ZDHHC14: variants seen among roughly 807,000 people sequenced by gnomAD.
The protein encoded by ZDHHC14 is palmitoyltransferase ZDHHC14.
In ZDHHC14, 16 loss-of-function variants were observed where a neutral mutation model predicts 47.7. The observed-to-expected ratio is 0.34, with a 90% CI of 0.23 to 0.51. The LOEUF (loss-of-function observed/expected upper bound fraction) is 0.51. ZDHHC14 is among the 20% of genes least tolerant of loss of function. The pLI is 0.97. For missense variants in ZDHHC14, 515 were observed against 662.5 expected (o/e 0.78, Z 2.44); for synonymous variants, 293 against 278.9 (o/e 1.05, Z -0.50).
intron 1 of ZDHHC14, among the ~76,000 whole-genome samples, chr6:157,500,637 A>T (rs1243306914): frequency 6.6e-6 from 1 of 152,154 alleles, no homozygotes; most frequent in Non-Finnish European, 1.5e-5. Context: ...TCAGGGAAAC[A>T]GCTTTGCTCT....
At chr6:157,429,417 T>C (rs1028734159) in intron 1 of ZDHHC14, among the ~76,000 whole-genome samples, 1 of 152,216 alleles carries the variant, frequency 6.6e-6, no homozygotes, top group African/African-American at 2.4e-5. Flanking sequence ...CCAAAAACTT[T>C]GCACATCACT....
At chr6:157,542,557 C>T in intron 1 of ZDHHC14, 28 bp from the exon 2 acceptor site, 2 of 1,603,230 alleles carry the variant, frequency 1.2e-6, no homozygotes, top group Non-Finnish European at 1.7e-6. Flanking sequence ...TTTTCCCCTT[C>T]TCTCCGGTCT....
chr6:157,643,650 A>AAAATATATATATAT (rs765773743), intron 5 of ZDHHC14, among the ~76,000 whole-genome samples: 1 of 72,522 alleles, frequency 1.4e-5, no homozygotes, highest in Admixed American at 1.8e-4. Flanking sequence ...CTTCATCTCA[A>AAAATATATATATAT]ATATATATAT....
At chr6:157,434,837 C>T (rs988014724) in intron 1 of ZDHHC14, among the ~76,000 whole-genome samples, 15 of 152,120 alleles carry the variant, frequency 9.9e-5, no homozygotes, top group African/African-American at 3.4e-4. Flanking sequence ...CGCTCCATGA[C>T]GGAGAGAATC....
rs188048087 is a variant in ZDHHC14, at chr6:157,437,177, T to A, written c.245+54911T>A. Among the ~76,000 whole-genome samples, 102 of 152,336 alleles carry A rather than the reference T, an allele frequency of 6.7e-4. 1 individual carries two copies. The East Asian group carries it at 0.018, about 27-fold the overall frequency. On this transcript the variant is annotated intron_variant, in intron 1 of 8. Transcript: ENST00000359775. ...GGCTGGAGCATGGGCTCTGCATCCG[T>A]GAGAGCACTGGGGGCCTTTGCTGGG...
chr6:157,485,553 C>A (rs1779757400), intron 1 of ZDHHC14, among the ~76,000 whole-genome samples: 1 of 152,168 alleles, frequency 6.6e-6, no homozygotes, highest in Admixed American at 6.5e-5. Flanking sequence ...CCCTGTCCCA[C>A]TTTTCCCACA....
intron 8 of ZDHHC14, among the ~76,000 whole-genome samples, chr6:157,668,489 GC>G (rs1778648857): frequency 6.8e-6 from 1 of 146,548 alleles, no homozygotes; most frequent in Non-Finnish European, 1.5e-5. Flanking sequence ...TTTGAGACCA[GC>G]CTGGCCAACA....
intron 1 of ZDHHC14, among the ~76,000 whole-genome samples, chr6:157,406,976 G>A (rs1378148127): frequency 3.9e-5 from 6 of 152,288 alleles, no homozygotes; most frequent in African/African-American, 9.6e-5. Flanking sequence ...GACATGCACC[G>A]GCTTTTATTT....
intron 2 of ZDHHC14, among the ~76,000 whole-genome samples, chr6:157,570,842 T>C (rs1382362023): frequency 1.3e-5 from 2 of 151,662 alleles, no homozygotes; most frequent in Admixed American, 6.6e-5. Flanking sequence ...CACACACACA[T>C]ACATCTATAT....
chr6:157,473,872 G>A (rs1779413760), intron 1 of ZDHHC14, among the ~76,000 whole-genome samples: 1 of 151,452 alleles, frequency 6.6e-6, no homozygotes, highest in Admixed American at 6.6e-5. Flanking sequence ...CCATCTCCAA[G>A]ATGCCTCATT....
chr6:157,445,845 T>C (rs1043122142), intron 1 of ZDHHC14, among the ~76,000 whole-genome samples: 2 of 151,938 alleles, frequency 1.3e-5, no homozygotes, highest in African/African-American at 4.8e-5. Context: ...TGCCTAGTGT[T>C]TAGTAGTTAT....
chr6:157,647,559 C>A (rs1777623805), intron 7 of ZDHHC14, among the ~76,000 whole-genome samples, 191 bp downstream of exon 7: 1 of 152,184 alleles, frequency 6.6e-6, no homozygotes, highest in South Asian at 2.1e-4. Context: ...CTTTTTTGAT[C>A]TTCAATTGAA....
chr6:157,582,985 T>A lies in ZDHHC14; in HGVS notation c.407-10003T>A, dbSNP rs1028189625. 2.0e-5 allele frequency among the ~76,000 whole-genome samples: 3 copies of A among 151,806 alleles called. No individual in the cohort carries two copies. The highest frequency in any genetic ancestry group is 6.6e-5 in the Admixed American group (1 of 15,232). On this transcript the variant is annotated intron_variant, in intron 2 of 8. Transcript: ENST00000359775. This position sits in a 1 kb window ranked among gnomAD's most constrained non-coding sequence, Gnocchi z 4.3. Reference sequence around the variant, plus strand: ...AGAGCCAGTCTTTAAGCTGTGAGATTCCTTCTTCTGCTTGGTATGTTCTGC... The same window carrying A: ...AGAGCCAGTCTTTAAGCTGTGAGATACCTTCTTCTGCTTGGTATGTTCTGC...
At chr6:157,519,985 A>T (rs1479541080) in intron 1 of ZDHHC14, among the ~76,000 whole-genome samples, 1 of 152,154 alleles carries the variant, frequency 6.6e-6, no homozygotes, top group Non-Finnish European at 1.5e-5. Flanking sequence ...TGGGAATGTC[A>T]CTCAGGACAG....
rs193243522 is a variant in ZDHHC14, at chr6:157,633,504, T to C, written c.752+622T>C. Among the ~76,000 whole-genome samples, 3 of 152,280 alleles carry C rather than the reference T, an allele frequency of 2.0e-5. No homozygotes were observed. The East Asian group carries it at 5.8e-4, about 29-fold the overall frequency. ...GAAAAGCGTGTGCCCATTAAGTGCT[T>C]GAATGAGGTCCTATCCCTCCCAGGG... On this transcript the variant is annotated intron_variant, in intron 5 of 8. Transcript: ENST00000359775.
At chr6:157,497,798 A>G (rs1323710072) in intron 1 of ZDHHC14, among the ~76,000 whole-genome samples, 1 of 152,230 alleles carries the variant, frequency 6.6e-6, no homozygotes, top group Non-Finnish European at 1.5e-5. Context: ...TTGCCCAATC[A>G]TACTACTAAA....
chr6:157,447,197 C>T (rs1029425686), intron 1 of ZDHHC14, among the ~76,000 whole-genome samples: 4 of 152,176 alleles, frequency 2.6e-5, no homozygotes, highest in Admixed American at 1.3e-4. Flanking sequence ...TTTTATCTGC[C>T]GAAGGTTTTA....
chr6:157,499,488 C>CCG (rs1780146167), intron 1 of ZDHHC14, among the ~76,000 whole-genome samples: 1 of 151,770 alleles, frequency 6.6e-6, no homozygotes, highest in Admixed American at 6.6e-5. Context: ...AGCCCCCCAC[C>CCG]CCGATATCAT....
At position 157,519,847 on chromosome 6, in the gene ZDHHC14, G is replaced by A. The variant is rs530620821; in HGVS notation, c.246-22738G>A. ...CTGAGGATAAAATGCTAACAGACCC[G>A]TCCCTACCCCAAGGAAGTCAAAGGG... On this transcript the variant is annotated intron_variant, in intron 1 of 8. Coordinates refer to ENST00000359775, the MANE Select transcript of ZDHHC14 (RefSeq NM_024630.3). 2.2e-4 allele frequency among the ~76,000 whole-genome samples: 33 copies of A among 152,288 alleles called. No individual in the cohort carries two copies. The East Asian group carries it at 3.9e-3, about 18-fold the overall frequency.
Sources: allele counts gnomAD v4.1 joint callset (sites outside exome capture counted in the v4.1 genomes callset), GRCh38; gene constraint gnomAD v4.1.1; non-coding constraint Gnocchi (gnomAD v3.1); transcripts MANE v1.5; gene names NCBI Gene and HGNC (gene_info 2026-07-23, HGNC 2026-07-21).